Variants in ZNF611 observed in about 807,000 individuals in gnomAD.
ZNF611 encodes the protein zinc finger protein 611.
In ZNF611, 6 loss-of-function variants were observed where a neutral mutation model predicts 8.9. The ratio of observed to expected loss-of-function variants is 0.68; its 90% CI spans 0.37 to 1.34. The LOEUF (loss-of-function observed/expected upper bound fraction) is 1.34, where lower values mean the gene tolerates loss of function less well. Among genes scored for constraint, ZNF611 ranks in the 40% most tolerant of loss-of-function variants. The probability of loss-of-function intolerance (pLI) is 0.02; values close to 1 mark genes in which losing one functional copy is unlikely to be tolerated. For missense variants in ZNF611, 874 were observed against 841.3 expected, an observed-to-expected ratio of 1.04 and a Z score of -0.48; for synonymous variants, 262 against 279.7, an observed-to-expected ratio of 0.94 and a Z score of 0.63.
At position 52,704,722 on chromosome 19, in the gene ZNF611, T is replaced by C; in HGVS notation, c.*215A>G. On this transcript the variant is annotated 3_prime_UTR_variant, in exon 6 of 6. Transcript: ENST00000652185. Reference sequence around the variant, plus strand: ...CCCTACACCATGAATTGCCTGATGGTGAATAAGTGTTGACTGCTTGCCAAA... The same window carrying C: ...CCCTACACCATGAATTGCCTGATGGCGAATAAGTGTTGACTGCTTGCCAAA... 1 of 1,599,504 alleles carries C rather than the reference T, an allele frequency of 6.3e-7. No homozygotes were observed. The highest frequency in any genetic ancestry group is 2.2e-5 in the East Asian group (1 of 44,822).
intron 3 of ZNF611, among the ~76,000 whole-genome samples, chr19:52,720,254 A>C (rs2062346289): frequency 6.6e-6 from 1 of 152,216 alleles, no homozygotes; most frequent in South Asian, 2.1e-4. Context: ...CGCCATCGTC[A>C]TCATGGCCAG....
At chr19:52,711,661 C>G (rs919481323) in intron 5 of ZNF611, among the ~76,000 whole-genome samples, 1 of 152,170 alleles carries the variant, frequency 6.6e-6, no homozygotes, top group African/African-American at 2.4e-5. Context: ...TGAAGCCATC[C>G]CTCATGGATC....
chr19:52,720,752 G>A (rs2062352848), intron 3 of ZNF611, among the ~76,000 whole-genome samples: 1 of 150,280 alleles, frequency 6.7e-6, no homozygotes, highest in Non-Finnish European at 1.5e-5. Context: ...GGGGTGGCCA[G>A]GCAGAGGTGC....
intron 5 of ZNF611, 145 bp from the exon 6 acceptor site, chr19:52,707,009 ATTC>A (rs1385654202): frequency 3.0e-6 from 4 of 1,333,068 alleles, no homozygotes; most frequent in Non-Finnish European, 4.1e-6. Context: ...AAGGAGCAAT[ATTC>A]TTTAGTAAAT....
chr19:52,707,151 C>G (rs544196119), intron 5 of ZNF611, among the ~76,000 whole-genome samples: 2 of 151,446 alleles, frequency 1.3e-5, no homozygotes, highest in South Asian at 2.1e-4. Flanking sequence ...TGACCCTGAA[C>G]TGTATCACAA....
rs1270090828 is a variant in ZNF611 at position 52,704,700 on chromosome 19, T to C, written c.*237A>G. The C allele has an allele frequency of 6.3e-7, 1 of 1,598,590 alleles. No homozygotes were observed. ...AATCATTACATTAGTCAAGTTTCCCTACACCATGAATTGCCTGATGGTGAA... is the reference window on the plus strand; with the variant it reads ...AATCATTACATTAGTCAAGTTTCCCCACACCATGAATTGCCTGATGGTGAA... On this transcript the variant is annotated 3_prime_UTR_variant, in exon 6 of 6. Coordinates refer to ENST00000652185, the MANE Select transcript of ZNF611 (RefSeq NM_001161499.2).
chr19:52,703,530 G>T lies in ZNF611; in HGVS notation c.*1407C>A, dbSNP rs1440049562. The T allele has an allele frequency of 1.3e-5, 2 of 151,766 alleles. No individual in the cohort carries two copies. The highest frequency in any genetic ancestry group is 2.9e-5 in the Non-Finnish European group (2 of 68,018). The allele number at this position is 151,766 out of a possible 1,614,324, so 9.4% of individuals were successfully genotyped here. A position where few individuals can be genotyped will look rare whatever the true frequency, so the allele number is the denominator to read the frequency against. On this transcript the variant is annotated 3_prime_UTR_variant, in exon 6 of 6. Coordinates refer to ENST00000652185, the MANE Select transcript of ZNF611 (RefSeq NM_001161499.2). ...TGACCTTAGGTGACCAGTTCACATG[G>T]GTCGACCAAAGTACTCTGATTGCAG...
At chr19:52,718,528 G>C (rs1005580711) in intron 3 of ZNF611, among the ~76,000 whole-genome samples, 2 of 151,990 alleles carry the variant, frequency 1.3e-5, no homozygotes, top group African/African-American at 4.8e-5. Flanking sequence ...AGGCCCGGCA[G>C]CTGCTCATGC....
chr19:52,716,138 G>A (rs139762625), intron 3 of ZNF611: 10 of 513,922 alleles, frequency 1.9e-5, no homozygotes, highest in Non-Finnish European at 3.5e-5. Flanking sequence ...CACCACACAC[G>A]AGGCAGCAGT....
At chr19:52,711,563 T>C (rs919427232) in intron 5 of ZNF611, among the ~76,000 whole-genome samples, 1 of 151,562 alleles carries the variant, frequency 6.6e-6, no homozygotes, top group African/African-American at 2.4e-5. Context: ...ACACAGAAAA[T>C]ATGAGGAGAA....
chr19:52,709,198 A>C (rs2062264165), intron 5 of ZNF611, among the ~76,000 whole-genome samples: 3 of 152,134 alleles, frequency 2.0e-5, no homozygotes, highest in Non-Finnish European at 2.9e-5. Context: ...ATGGGTGTTG[A>C]CTAATTATGA....
At chr19:52,734,034 G>A (rs2072144555) in intron 1 of ZNF611, among the ~76,000 whole-genome samples, 1 of 151,864 alleles carries the variant, frequency 6.6e-6, no homozygotes, top group Non-Finnish European at 1.5e-5. Flanking sequence ...TGCTCTGTCT[G>A]CCCTGGCTCC....
intron 1 of ZNF611, among the ~76,000 whole-genome samples, chr19:52,733,218 A>T (rs1371029481): frequency 1.3e-5 from 2 of 152,220 alleles, no homozygotes; most frequent in African/African-American, 4.8e-5. Context: ...GTTTTTAGTT[A>T]TTAGATTATA....
At chr19:52,729,741 T>C (rs1294754542) in intron 2 of ZNF611, 165 bp downstream of exon 2, 1 of 152,154 alleles carries the variant, frequency 6.6e-6, no homozygotes, top group Non-Finnish European at 1.5e-5. Flanking sequence ...AGTACATTTA[T>C]ATAGGCTGCA....
intron 3 of ZNF611, among the ~76,000 whole-genome samples, chr19:52,725,256 G>T (rs543850333): frequency 3.9e-5 from 6 of 152,272 alleles, no homozygotes; most frequent in African/African-American, 1.4e-4. Flanking sequence ...GCAGGGCCCG[G>T]CACGAGGAGG....
Position 52,705,720 on chromosome 19 carries a change from A to T in ZNF611, c.1335T>A (p.His445Gln). 1 of 1,614,078 alleles carries T rather than the reference A, an allele frequency of 6.2e-7. No individual in the cohort carries two copies. Among genetic ancestry groups the T allele is most frequent in the South Asian group, 1.1e-5 (1 of 91,062 alleles). Reference sequence around the variant, plus strand: ...AAGATTTCTCTCCACCATGAAGTCTATGATGGCATACAAGGGATGACTTGT... The same window carrying T: ...AAGATTTCTCTCCACCATGAAGTCTTTGATGGCATACAAGGGATGACTTGT... ...FSHKSSLVCH[H>Q]RLHGGEKSYK... is the part of the protein sequence containing the mutation. Residue 445 changes from histidine (H) to glutamine (Q), a missense_variant, in exon 6 of 6, where the codon CAT (histidine) becomes CAA (glutamine). By Grantham distance (24) the His-to-Gln change is conservative. Coordinates refer to ENST00000652185, the MANE Select transcript of ZNF611 (RefSeq NM_001161499.2).
intron 5 of ZNF611, among the ~76,000 whole-genome samples, chr19:52,711,565 T>C (rs528876905): frequency 1.5e-3 from 221 of 151,490 alleles, no homozygotes; most frequent in African/African-American, 4.6e-3. Context: ...ACAGAAAATA[T>C]GAGGAGAACA....
In ZNF611 at chr19:52,734,349, GT is replaced by G. The variant is rs552242476; in HGVS notation, c.-222+651del. 4.5e-3 allele frequency among the ~76,000 whole-genome samples: 685 copies of G among 152,176 alleles called. 7 individuals are homozygous for G. The highest frequency in any genetic ancestry group is 0.015 in the African/African-American group (617 of 41,502). Reference sequence around the variant, plus strand: ...CTTTGGCCCACACAATCGCAACACGGTTTGGAGTAAGACGCCTGCATCCCGG... The same window carrying G: ...CTTTGGCCCACACAATCGCAACACGGTTGGAGTAAGACGCCTGCATCCCGG... On this transcript the variant is annotated intron_variant, in intron 1 of 5. Coordinates refer to ENST00000652185, the MANE Select transcript of ZNF611 (RefSeq NM_001161499.2).
At chr19:52,733,128 G>C (rs1055462960) in intron 1 of ZNF611, among the ~76,000 whole-genome samples, 1 of 152,106 alleles carries the variant, frequency 6.6e-6, no homozygotes, top group African/African-American at 2.4e-5. Flanking sequence ...CATAACCTCT[G>C]ATGCCAAGAT....
Sources: allele counts gnomAD v4.1 joint callset (sites outside exome capture counted in the v4.1 genomes callset), GRCh38; gene constraint gnomAD v4.1.1; transcripts MANE v1.5; gene names NCBI Gene and HGNC (gene_info 2026-07-23, HGNC 2026-07-21).